The following SFI1 variants were observed in gnomAD, a reference collection of about 807,000 sequenced individuals.
The protein encoded by SFI1 is SFI1 centrin binding protein, also known as protein SFI1 homolog.
Under a neutral mutation model 207.5 loss-of-function variants are expected in SFI1, and 195 were observed. That is an observed-to-expected ratio of 0.94 (90% CI 0.84 to 1.06). The LOEUF is 1.06. Ranked by LOEUF, SFI1 falls within the 50% of genes least tolerant of loss-of-function variation. The pLI, the probability that SFI1 is intolerant of heterozygous loss-of-function variation, is 0.00. For synonymous variants in SFI1, 630 were observed against 598.9 expected, an observed-to-expected ratio of 1.05 and a Z score of -0.76; for missense variants, 1,634 against 1,588.0, an observed-to-expected ratio of 1.03 and a Z score of -0.49.
chr22:31,524,641 C>T (rs1220409807), intron 2 of SFI1, among the ~76,000 whole-genome samples: 1 of 151,718 alleles, frequency 6.6e-6, no homozygotes, highest in African/African-American at 2.4e-5. Context: ...TGTTAAATTC[C>T]TGGACCGAAG....
intron 4 of SFI1, among the ~76,000 whole-genome samples, chr22:31,545,442 C>A (rs2059978331): frequency 6.6e-6 from 1 of 151,788 alleles, no homozygotes; most frequent in Non-Finnish European, 1.5e-5. Context: ...TTGGGAGGCT[C>A]AGGTGAGGAT....
intron 2 of SFI1, among the ~76,000 whole-genome samples, chr22:31,516,586 A>G (rs181787719): frequency 3.3e-5 from 5 of 152,122 alleles, no homozygotes; most frequent in Non-Finnish European, 1.5e-5. Flanking sequence ...TGGAAGGCCA[A>G]CGCAGGCAGA....
At chr22:31,584,988 G>A in intron 13 of SFI1, 80 bp from the exon 14 acceptor site, 2 of 1,244,174 alleles carry the variant, frequency 1.6e-6, no homozygotes, top group Middle Eastern at 1.9e-4. Flanking sequence ...CTCACAGGAA[G>A]TAACTGTACC....
At chr22:31,554,539 A>T (rs2060971317) in intron 6 of SFI1, among the ~76,000 whole-genome samples, 1 of 149,402 alleles carries the variant, frequency 6.7e-6, no homozygotes, top group African/African-American at 2.5e-5. Context: ...TGATCTCCTG[A>T]CCTCGTGATC....
At chr22:31,564,971 G>A (rs1019832558) in intron 8 of SFI1, among the ~76,000 whole-genome samples, 3 of 145,812 alleles carry the variant, frequency 2.1e-5, no homozygotes, top group Non-Finnish European at 3.0e-5. Context: ...CCGCCACAAC[G>A]CCTGGCTAAT....
intron 4 of SFI1, among the ~76,000 whole-genome samples, chr22:31,542,938 A>T (rs2059701419): frequency 6.8e-6 from 1 of 147,828 alleles, no homozygotes; most frequent in African/African-American, 2.5e-5. Context: ...CTGGGATTAC[A>T]CGTGTGAGCC....
In SFI1 at chr22:31,582,204, TTTTATA is replaced by T. The variant is rs1161364024; in HGVS notation, c.1249-1669_1249-1664del. 1.7e-3 allele frequency among the ~76,000 whole-genome samples: 28 copies of T among 16,002 alleles called. 4 individuals carry two copies. The highest frequency in any genetic ancestry group is 0.011 in the East Asian group (4 of 350). The allele number at this position is 16,002 out of a possible 152,430, so 10.5% of individuals were successfully genotyped here. ...CCCCCAACAACACTTCTTTATTACATTTTATATATATATATATATATATATATATAT... is the reference window on the plus strand; with the variant it reads ...CCCCCAACAACACTTCTTTATTACATTATATATATATATATATATATATAT... On this transcript the variant is annotated intron_variant, in intron 12 of 32. Coordinates refer to ENST00000400288, the MANE Select transcript of SFI1 (RefSeq NM_001007467.3).
intron 6 of SFI1, among the ~76,000 whole-genome samples, chr22:31,556,142 G>C (rs2061135367): frequency 6.7e-6 from 1 of 149,712 alleles, no homozygotes; most frequent in African/African-American, 2.4e-5. Flanking sequence ...CAAACAGCAA[G>C]TTTTATATCA....
At chr22:31,523,328 C>G (rs1380297131) in intron 2 of SFI1, among the ~76,000 whole-genome samples, 2 of 152,160 alleles carry the variant, frequency 1.3e-5, no homozygotes, top group Non-Finnish European at 2.9e-5. Flanking sequence ...TGGCCAGAGT[C>G]TCACCCACCT....
At chr22:31,497,916 T>G (rs984578328) in intron 1 of SFI1, among the ~76,000 whole-genome samples, 2 of 152,232 alleles carry the variant, frequency 1.3e-5, no homozygotes, top group African/African-American at 4.8e-5. Flanking sequence ...AGATTAATGT[T>G]ACTTTACATG....
chr22:31,551,966 A>G (rs1162801577), intron 6 of SFI1, among the ~76,000 whole-genome samples: 1 of 152,192 alleles, frequency 6.6e-6, no homozygotes, highest in East Asian at 1.9e-4. Flanking sequence ...TTGACTGTCC[A>G]CTACCCAAAT....
In SFI1 at chr22:31,607,937, G is replaced by A. The variant is rs771932093; in HGVS notation, c.2158G>A (p.Val720Ile). The A allele has an allele frequency of 1.7e-5, 28 of 1,613,814 alleles. No homozygotes were observed. The African/African-American group carries it at 3.3e-4, about 19-fold the overall frequency. ...THYRRTICSK[V>I]LVQWREAVSV... ...TGCTGTGCTCCTTGCCTGCCCATAG[G>A]TCCTGGTCCAGTGGCGGGAAGCTGT... The change falls in exon 22 of 33, where the codon GTC (valine) becomes ATC (isoleucine). Residue 720 changes from valine to isoleucine, a missense_variant and splice_region_variant. Transcript: ENST00000400288.
chr22:31,544,081 C>G (rs2059854702), intron 4 of SFI1, among the ~76,000 whole-genome samples: 1 of 152,112 alleles, frequency 6.6e-6, no homozygotes, highest in East Asian at 1.9e-4. Context: ...CACAGCTACT[C>G]AAGAGACTGA....
intron 10 of SFI1, among the ~76,000 whole-genome samples, chr22:31,576,027 C>CT (rs543573453): frequency 0.019 from 2,671 of 142,152 alleles, 21 homozygotes; most frequent in East Asian, 0.047. Context: ...TGTACATATT[C>CT]TTTTTTTTTT....
In SFI1 at chr22:31,616,736, C is replaced by T. The variant is rs773346894; in HGVS notation, c.3301-9C>T. 1.5e-5 allele frequency: 23 copies of T among 1,532,120 alleles called. No individual in the cohort carries two copies. The highest frequency in any genetic ancestry group is 2.0e-5 in the Non-Finnish European group (23 of 1,143,426). 94.9% of individuals were successfully genotyped at this position (1,532,120 alleles called of 1,614,324 possible). A position where few individuals can be genotyped will look rare whatever the true frequency, so the allele number is the denominator to read the frequency against. ...CCTTGCTCAGCATCTACCCTTCTTTCCTTTGCAGGTGTCAGCACAGCGGGC... is the reference window on the plus strand; with the variant it reads ...CCTTGCTCAGCATCTACCCTTCTTTTCTTTGCAGGTGTCAGCACAGCGGGC... On this transcript the variant is annotated splice_polypyrimidine_tract_variant and intron_variant, in intron 29 of 32. Transcript: ENST00000400288.
At chr22:31,584,244 A>G (rs1340357059) in intron 13 of SFI1, among the ~76,000 whole-genome samples, 1 of 152,166 alleles carries the variant, frequency 6.6e-6, no homozygotes, top group African/African-American at 2.4e-5. Context: ...ACAGGCATCA[A>G]TATGTTCACA....
In SFI1 at chr22:31,568,519, G is replaced by A. The variant is rs1446964864; in HGVS notation, c.766-4539G>A. On this transcript the variant is annotated intron_variant, in intron 8 of 32. Coordinates refer to ENST00000400288, the MANE Select transcript of SFI1 (RefSeq NM_001007467.3). ...TGCACTTCAGCCTGGGCGACAGGGTGAGACCCTGTCTCAAAAAAAAAAAAA... is the reference window on the plus strand; with the variant it reads ...TGCACTTCAGCCTGGGCGACAGGGTAAGACCCTGTCTCAAAAAAAAAAAAA... Among the ~76,000 whole-genome samples the A allele has an allele frequency of 2.6e-5, 3 of 117,516 alleles. No homozygotes were observed. The South Asian group carries it at 8.9e-4, about 35-fold the overall frequency. 77.1% of individuals were successfully genotyped at this position (117,516 alleles called of 152,430 possible).
chr22:31,580,597 C>G (rs2064028287), intron 12 of SFI1, among the ~76,000 whole-genome samples: 1 of 132,090 alleles, frequency 7.6e-6, no homozygotes, highest in Admixed American at 8.9e-5. Flanking sequence ...GACTGTAATA[C>G]AGTGGCACGA....
At chr22:31,542,619 ACT>A (rs1158254100) in intron 4 of SFI1, among the ~76,000 whole-genome samples, 3 of 151,734 alleles carry the variant, frequency 2.0e-5, no homozygotes, top group East Asian at 1.9e-4. Flanking sequence ...CAAGAGGGAA[ACT>A]CTGTCTCAAA....
Sources: gnomAD v4.1 joint callset for allele counts (sites outside exome capture counted in the v4.1 genomes callset) on GRCh38, gnomAD v4.1.1 for gene constraint, MANE v1.5 for transcripts, NCBI Gene and HGNC (gene_info 2026-07-23, HGNC 2026-07-21) for gene names.